CNTNAP2: variants seen among roughly 807,000 people sequenced by gnomAD.
CNTNAP2 encodes contactin associated protein 2, also known as contactin-associated protein-like 2.
CNTNAP2 carries 98 observed loss-of-function variants against 155.2 expected under a neutral mutation model. That is an observed-to-expected ratio of 0.63 (90% CI 0.54 to 0.75). CNTNAP2 has a LOEUF of 0.75. CNTNAP2 is among the 30% of genes least tolerant of loss of function. CNTNAP2 has a pLI of 0.00. For missense variants in CNTNAP2, 1,727 were observed against 1,688.1 expected, an observed-to-expected ratio of 1.02 and a Z score of -0.40; for synonymous variants, 651 against 631.2, an observed-to-expected ratio of 1.03 and a Z score of -0.47.
intron 3 of CNTNAP2, among the ~76,000 whole-genome samples, chr7:146,950,941 C>A (rs533732568): frequency 1.3e-5 from 2 of 152,298 alleles, no homozygotes; most frequent in East Asian, 3.9e-4. Flanking sequence ...TTCTCCACAT[C>A]CTCTCCAGCA....
At chr7:148,146,370 G>GA (rs201975342) in intron 16 of CNTNAP2, among the ~76,000 whole-genome samples, 2,068 of 152,266 alleles carry the variant, frequency 0.014, 22 homozygotes, top group Middle Eastern at 0.027. Flanking sequence ...TCAATCACAA[G>GA]AAAAAATATA....
At chr7:146,336,194 C>T (rs567921185) in intron 1 of CNTNAP2, among the ~76,000 whole-genome samples, 2 of 146,816 alleles carry the variant, frequency 1.4e-5, no homozygotes, top group Non-Finnish European at 3.0e-5. Flanking sequence ...AGTGAAACTC[C>T]GTCTAAAAAA....
intron 4 of CNTNAP2, among the ~76,000 whole-genome samples, chr7:147,065,662 T>G (rs919275357): frequency 6.6e-6 from 1 of 152,176 alleles, no homozygotes; most frequent in Admixed American, 6.5e-5. Context: ...TATGAGGAAT[T>G]AATTATGCTT....
At chr7:146,887,776 G>C (rs1192268478) in intron 3 of CNTNAP2, among the ~76,000 whole-genome samples, 1 of 152,024 alleles carries the variant, frequency 6.6e-6, no homozygotes. Context: ...TGCAAATTTA[G>C]CATTTTATTC....
rs767444267 is a variant in CNTNAP2, at chr7:147,395,697, A to G, written c.1587A>G (p.Gln529=). The G allele has an allele frequency of 6.2e-7, 1 of 1,612,658 alleles. No homozygotes were observed. Among genetic ancestry groups the G allele is most frequent in the Non-Finnish European group, 8.5e-7 (1 of 1,178,930 alleles). The part of the protein sequence containing the change: ...GCMQLIQVDD[Q]LVNLYEVAQR... ...TGCAGCTCATTCAAGTGGACGATCAACTTGTAAATTTATACGAAGTGGCAC... is the reference window on the plus strand; with the variant it reads ...TGCAGCTCATTCAAGTGGACGATCAGCTTGTAAATTTATACGAAGTGGCAC... The change falls in exon 10 of 24, where the codon CAA becomes CAG. Residue 529 remains glutamine (Q), a synonymous_variant. Coordinates refer to ENST00000361727, the MANE Select transcript of CNTNAP2 (RefSeq NM_014141.6).
At chr7:147,376,799 C>T (rs538197624) in intron 9 of CNTNAP2, among the ~76,000 whole-genome samples, 1 of 152,036 alleles carries the variant, frequency 6.6e-6, no homozygotes, top group East Asian at 1.9e-4. Flanking sequence ...AATTCAGACA[C>T]CAGCACCTTG....
intron 3 of CNTNAP2, among the ~76,000 whole-genome samples, chr7:147,028,810 T>G (rs1425180058): frequency 6.6e-6 from 1 of 151,906 alleles, no homozygotes; most frequent in Non-Finnish European, 1.5e-5. Context: ...AACTTACATT[T>G]GAAGACAAAA....
At chr7:147,595,143 A>C (rs1800804252) in intron 12 of CNTNAP2, among the ~76,000 whole-genome samples, 1 of 152,156 alleles carries the variant, frequency 6.6e-6, no homozygotes. Flanking sequence ...AGGGAGACAC[A>C]TAAGGATCAT....
chr7:147,658,698 C>G (rs922712382), intron 13 of CNTNAP2, among the ~76,000 whole-genome samples: 3 of 152,160 alleles, frequency 2.0e-5, no homozygotes, highest in Admixed American at 6.5e-5. Flanking sequence ...ATTGCAAGTT[C>G]AGGGTAACAG....
chr7:147,763,864 G>A (rs1797344622), intron 13 of CNTNAP2, among the ~76,000 whole-genome samples: 1 of 152,158 alleles, frequency 6.6e-6, no homozygotes, highest in Non-Finnish European at 1.5e-5. Context: ...AGAGTTCAGA[G>A]GATGTTAGCA....
chr7:146,290,175 G>T (rs1800406549), intron 1 of CNTNAP2, among the ~76,000 whole-genome samples: 1 of 152,088 alleles, frequency 6.6e-6, no homozygotes, highest in African/African-American at 2.4e-5. Flanking sequence ...CTTGAGACCA[G>T]GAGTCCAAGA....
intron 1 of CNTNAP2, among the ~76,000 whole-genome samples, chr7:146,339,938 A>C (rs530280293): frequency 6.6e-6 from 1 of 152,258 alleles, no homozygotes. Context: ...TGGGAGGCCG[A>C]GGCGGGCGGA....
At chr7:146,469,933 G>A (rs143377681) in intron 1 of CNTNAP2, among the ~76,000 whole-genome samples, 1,779 of 150,728 alleles carry the variant, frequency 0.012, 31 homozygotes, top group African/African-American at 0.042. Context: ...TCCGCCTCAC[G>A]GGTTCACGCG....
rs73744773 is a variant in CNTNAP2, at chr7:148,199,447, T to C, written c.3011-17841T>C. The stretch of plus-strand genomic sequence containing the variant: ...GAGGTAATACCCAGAAACTCAAATT[T>C]AGTGGTTTGAGATAGACTGTAGACA... On this transcript the variant is annotated intron_variant, in intron 18 of 23. Coordinates refer to ENST00000361727, the MANE Select transcript of CNTNAP2 (RefSeq NM_014141.6). Among the ~76,000 whole-genome samples, 1,389 of 152,312 alleles carry C rather than the reference T, an allele frequency of 9.1e-3. 25 individuals are homozygous for C. Among genetic ancestry groups the C allele is most frequent in the African/African-American group, 0.031 (1,269 of 41,564 alleles).
chr7:146,890,826 C>T (rs1012460260), intron 3 of CNTNAP2, among the ~76,000 whole-genome samples: 1 of 152,132 alleles, frequency 6.6e-6, no homozygotes, highest in Non-Finnish European at 1.5e-5. Flanking sequence ...TATGATCATA[C>T]ATCATTACTT....
chr7:147,680,306 C>T (rs990789671), intron 13 of CNTNAP2, among the ~76,000 whole-genome samples: 6 of 151,912 alleles, frequency 3.9e-5, no homozygotes, highest in African/African-American at 1.4e-4. Context: ...GACTACTTTT[C>T]ACCTTTGTAA....
chr7:148,161,440 T>C (rs1287381120), intron 17 of CNTNAP2, among the ~76,000 whole-genome samples: 2 of 152,176 alleles, frequency 1.3e-5, no homozygotes, highest in East Asian at 3.9e-4. Flanking sequence ...GAGCTCCTCC[T>C]GGAAAGTTGA....
At chr7:147,095,971 T>C (rs757205933) in intron 4 of CNTNAP2, among the ~76,000 whole-genome samples, 1 of 152,192 alleles carries the variant, frequency 6.6e-6, no homozygotes, top group Non-Finnish European at 1.5e-5. Flanking sequence ...GTAAAAGTAG[T>C]AAATGCACCT....
intron 8 of CNTNAP2, among the ~76,000 whole-genome samples, chr7:147,142,238 G>A (rs2129287569): frequency 6.6e-6 from 1 of 152,222 alleles, no homozygotes; most frequent in East Asian, 1.9e-4. Flanking sequence ...ATTATTTTGA[G>A]ATATGTCCCA....
Sources: allele counts gnomAD v4.1 joint callset (sites outside exome capture counted in the v4.1 genomes callset), GRCh38; gene constraint gnomAD v4.1.1; transcripts MANE v1.5; gene names NCBI Gene and HGNC (gene_info 2026-07-23, HGNC 2026-07-21).